GALNTL6: variants seen among roughly 807,000 people sequenced by gnomAD.
GALNTL6 encodes the protein polypeptide N-acetylgalactosaminyltransferase-like 6.
Under a neutral mutation model 73.7 loss-of-function variants are expected in GALNTL6, and 46 were observed. The observed-to-expected ratio is 0.62, with a 90% CI of 0.49 to 0.80. The LOEUF (loss-of-function observed/expected upper bound fraction) is 0.80. Among genes scored for constraint, GALNTL6 ranks in the 30% least tolerant of loss-of-function variants. GALNTL6 has a pLI of 0.00. For synonymous variants in GALNTL6, 259 were observed against 263.7 expected, an observed-to-expected ratio of 0.98 and a Z score of 0.17; for missense variants, 604 against 755.0, an observed-to-expected ratio of 0.80 and a Z score of 2.34.
chr4:172,105,965 T>C (rs1318168768), intron 2 of GALNTL6, among the ~76,000 whole-genome samples: 2 of 152,122 alleles, frequency 1.3e-5, no homozygotes, highest in Admixed American at 1.3e-4. Context: ...ATTGTAAAAA[T>C]GAAAGTTGGT....
intron 2 of GALNTL6, among the ~76,000 whole-genome samples, chr4:172,092,549 C>G (rs936274811): frequency 8.6e-5 from 13 of 151,966 alleles, no homozygotes; most frequent in Non-Finnish European, 1.9e-4. Context: ...TCAAAACTGT[C>G]AAAGGTTTAG....
intron 5 of GALNTL6, among the ~76,000 whole-genome samples, chr4:172,699,676 G>T (rs1354938426): frequency 6.6e-6 from 1 of 152,162 alleles, no homozygotes; most frequent in Non-Finnish European, 1.5e-5. Flanking sequence ...CTATAATCAT[G>T]AGAGAAGGCA....
intron 5 of GALNTL6, among the ~76,000 whole-genome samples, chr4:172,414,718 CTT>C (rs1561072409): frequency 6.6e-6 from 1 of 152,114 alleles, no homozygotes; most frequent in Non-Finnish European, 1.5e-5. Flanking sequence ...TTATCTAAAA[CTT>C]AACTCCGTCA....
intron 7 of GALNTL6, among the ~76,000 whole-genome samples, chr4:172,831,630 A>T (rs1201167352): frequency 1.3e-5 from 2 of 152,150 alleles, no homozygotes; most frequent in Non-Finnish European, 2.9e-5. Context: ...CCGGAACTGG[A>T]TGTGGGGTCT....
At chr4:173,026,178 T>TGCAC (rs1753223954) in intron 12 of GALNTL6, among the ~76,000 whole-genome samples, 6 of 152,182 alleles carry the variant, frequency 3.9e-5, no homozygotes, top group Non-Finnish European at 7.3e-5. Context: ...TTATTTGGGA[T>TGCAC]ATAGCCCCAA....
At chr4:172,578,157 G>T (rs1201928531) in intron 5 of GALNTL6, among the ~76,000 whole-genome samples, 1 of 152,030 alleles carries the variant, frequency 6.6e-6, no homozygotes, top group African/African-American at 2.4e-5. Flanking sequence ...GGTAAAAATT[G>T]TTATCTGATG....
At chr4:172,402,167 A>G (rs1158610770) in intron 5 of GALNTL6, among the ~76,000 whole-genome samples, 11 of 152,048 alleles carry the variant, frequency 7.2e-5, no homozygotes, top group Admixed American at 5.9e-4. Context: ...GGAAGGGTCA[A>G]TTTTTTATAA....
chr4:172,664,690 A>G (rs1731566196), intron 5 of GALNTL6, among the ~76,000 whole-genome samples: 1 of 152,200 alleles, frequency 6.6e-6, no homozygotes, highest in Admixed American at 6.5e-5. Context: ...TTCATCTTTT[A>G]AAAGGGTAAG....
At chr4:171,985,554 C>G (rs1740045565) in intron 2 of GALNTL6, among the ~76,000 whole-genome samples, 1 of 152,104 alleles carries the variant, frequency 6.6e-6, no homozygotes, top group Non-Finnish European at 1.5e-5. Context: ...TTCCCCATCA[C>G]CTGTATCTCA....
chr4:171,909,769 T>G (rs1270396074), intron 2 of GALNTL6, among the ~76,000 whole-genome samples: 1 of 152,204 alleles, frequency 6.6e-6, no homozygotes, highest in Non-Finnish European at 1.5e-5. Flanking sequence ...TATATTAAAA[T>G]GCTTTTCTAT....
At chr4:172,618,931 C>T (rs1738847721) in intron 5 of GALNTL6, among the ~76,000 whole-genome samples, 1 of 151,994 alleles carries the variant, frequency 6.6e-6, no homozygotes, top group African/African-American at 2.4e-5. Flanking sequence ...ACCATGTTGG[C>T]CAGGATGGTC....
chr4:173,035,573 C>T (rs1385664656), intron 12 of GALNTL6, among the ~76,000 whole-genome samples: 1 of 152,312 alleles, frequency 6.6e-6, no homozygotes, highest in Non-Finnish European at 1.5e-5. Flanking sequence ...TCCTCATACA[C>T]ACCAGAAAAT....
intron 5 of GALNTL6, among the ~76,000 whole-genome samples, chr4:172,451,986 G>A (rs914306943): frequency 1.3e-5 from 2 of 152,178 alleles, no homozygotes; most frequent in Non-Finnish European, 2.9e-5. Flanking sequence ...ACTCCAGCCT[G>A]AGTGACAGAG....
chr4:172,323,959 C>T (rs1280309652), intron 4 of GALNTL6, among the ~76,000 whole-genome samples: 3 of 151,982 alleles, frequency 2.0e-5, no homozygotes, highest in Non-Finnish European at 4.4e-5. Flanking sequence ...TGAGTTGACA[C>T]TCCATCACTA....
At chr4:172,222,912 C>T (rs1736733479) in intron 2 of GALNTL6, among the ~76,000 whole-genome samples, 1 of 151,814 alleles carries the variant, frequency 6.6e-6, no homozygotes, top group Non-Finnish European at 1.5e-5. Flanking sequence ...AGTTTTTGGA[C>T]TAGTAACTGA....
At chr4:172,911,336 A>C (rs1420479793) in intron 8 of GALNTL6, among the ~76,000 whole-genome samples, 1 of 152,244 alleles carries the variant, frequency 6.6e-6, no homozygotes, top group Non-Finnish European at 1.5e-5. Flanking sequence ...TTTTATGCCA[A>C]GGATGATTCT....
chr4:172,672,880 C>A (rs1732069502), intron 5 of GALNTL6, among the ~76,000 whole-genome samples: 1 of 152,052 alleles, frequency 6.6e-6, no homozygotes, highest in East Asian at 1.9e-4. Flanking sequence ...TCCGCCTCAT[C>A]ATTTCTAATT....
intron 5 of GALNTL6, among the ~76,000 whole-genome samples, chr4:172,569,482 T>C (rs1223385605): frequency 6.6e-6 from 1 of 152,172 alleles, no homozygotes; most frequent in Non-Finnish European, 1.5e-5. Flanking sequence ...TTAATTGCAA[T>C]GCGTGAAAAT....
At chr4:172,515,406 G>A (rs1203354972) in intron 5 of GALNTL6, among the ~76,000 whole-genome samples, 1 of 152,190 alleles carries the variant, frequency 6.6e-6, no homozygotes, top group South Asian at 2.1e-4. Context: ...CCTTGGGCTT[G>A]TGTGTGATGA....
Sources: allele counts gnomAD v4.1 joint callset (sites outside exome capture counted in the v4.1 genomes callset), GRCh38; gene constraint gnomAD v4.1.1; transcripts MANE v1.5; gene names NCBI Gene and HGNC (gene_info 2026-07-23, HGNC 2026-07-21).